The following PSD3 variants were observed in gnomAD, a reference collection of about 807,000 sequenced individuals.
The protein encoded by PSD3 is PH and SEC7 domain-containing protein 3.
In PSD3, 49 loss-of-function variants were observed where a neutral mutation model predicts 105.5. The observed-to-expected ratio is 0.46, with a 90% confidence interval of 0.37 to 0.59. The LOEUF (loss-of-function observed/expected upper bound fraction) is 0.59. Among genes scored for constraint, PSD3 ranks in the 20% least tolerant of loss-of-function variants. The pLI is 0.00. For synonymous variants in PSD3, 557 were observed against 457.8 expected (o/e 1.22, Z -2.77); for missense variants, 1,561 against 1,263.8 (o/e 1.24, Z -3.57).
chr8:18,811,731 G>A (rs1811702375), intron 4 of PSD3, among the ~76,000 whole-genome samples: 1 of 152,120 alleles, frequency 6.6e-6, no homozygotes, highest in South Asian at 2.1e-4. Context: ...ATGTGTGAGG[G>A]CAAGCAAGAA....
upstream of PSD3, among the ~76,000 whole-genome samples, chr8:19,017,209 G>C (rs1827206543): frequency 2.0e-5 from 3 of 151,608 alleles, no homozygotes; most frequent in Non-Finnish European, 4.4e-5. Context: ...CACACCACCA[G>C]ACCCAGCTAA....
chr8:18,691,494 T>C (rs746327094), intron 9 of PSD3, among the ~76,000 whole-genome samples: 5 of 152,194 alleles, frequency 3.3e-5, no homozygotes, highest in African/African-American at 2.4e-5. Flanking sequence ...TTACCCTATA[T>C]ACCTGAGGCA....
intron 9 of PSD3, among the ~76,000 whole-genome samples, chr8:18,735,401 A>G (rs1205156954): frequency 6.6e-6 from 1 of 152,192 alleles, no homozygotes; most frequent in African/African-American, 2.4e-5. Context: ...AGAGTAATAC[A>G]CTGAATGGCG....
intron 1 of PSD3, among the ~76,000 whole-genome samples, chr8:19,052,563 CTG>C (rs1476101295): frequency 6.6e-6 from 1 of 151,994 alleles, no homozygotes; most frequent in Non-Finnish European, 1.5e-5. Flanking sequence ...AGTCTGGAAA[CTG>C]TTTCTTGTAG....
At chr8:18,549,475 T>A (rs1800639251) in intron 15 of PSD3, among the ~76,000 whole-genome samples, 1 of 152,224 alleles carries the variant, frequency 6.6e-6, no homozygotes, top group Non-Finnish European at 1.5e-5. Flanking sequence ...CCCAAAGTGC[T>A]GGGATTACCA....
At chr8:18,825,015 C>T (rs1486156704) in intron 4 of PSD3, among the ~76,000 whole-genome samples, 1 of 152,170 alleles carries the variant, frequency 6.6e-6, no homozygotes. Flanking sequence ...AATGTTTTAA[C>T]TTTCCAGCAT....
At position 18,765,482 on chromosome 8, in the gene PSD3, A is replaced by C; in HGVS notation, c.2139T>G (p.Asn713Lys). 6.2e-7 allele frequency: 1 copy of C among 1,613,184 alleles called. No individual in the cohort carries two copies. Among genetic ancestry groups the C allele is most frequent in the Non-Finnish European group, 8.5e-7 (1 of 1,179,136 alleles). Residue 713 changes from asparagine (N) to lysine (K), a missense_variant, in exon 9 of 16, where the codon AAT becomes AAG. Coordinates refer to ENST00000327040, the MANE Select transcript of PSD3 (RefSeq NM_015310.4). ...QEFIANLQGVNEGVDFSKDLL... is the reference protein window; with the variant it reads ...QEFIANLQGVKEGVDFSKDLL... ...GATCCTTGGAGAAATCAACACCCTCATTTACCCCTTGCAGATTTGCAATGA... is the reference window on the plus strand; with the variant it reads ...GATCCTTGGAGAAATCAACACCCTCCTTTACCCCTTGCAGATTTGCAATGA...
At chr8:18,926,301 C>A (rs1266005429) in intron 2 of PSD3, among the ~76,000 whole-genome samples, 4 of 151,292 alleles carry the variant, frequency 2.6e-5, no homozygotes, top group Non-Finnish European at 2.9e-5. Context: ...CTTTCATGCA[C>A]AAAATTATTT....
rs748358362 is a variant in PSD3, at chr8:18,765,433, A to G, written c.2172+16T>C. The G allele has an allele frequency of 5.1e-6, 8 of 1,579,776 alleles. No individual in the cohort carries two copies. The Middle Eastern group carries it at 6.7e-4, about 132-fold the overall frequency. ...AAATACAAGCATACACTAAAAACCA[A>G]TAGTTCCATGCTTACTTTCAGCAGA... On this transcript the variant is annotated intron_variant, in intron 9 of 15. Coordinates refer to ENST00000327040, the MANE Select transcript of PSD3 (RefSeq NM_015310.4).
At chr8:18,582,405 T>C (rs1046569370) in intron 12 of PSD3, among the ~76,000 whole-genome samples, 1 of 152,170 alleles carries the variant, frequency 6.6e-6, no homozygotes, top group Non-Finnish European at 1.5e-5. Flanking sequence ...CTCTCTGGCT[T>C]AGTTTTCTTC....
At chr8:19,053,199 A>C (rs1025349674) in intron 1 of PSD3, among the ~76,000 whole-genome samples, 1 of 152,100 alleles carries the variant, frequency 6.6e-6, no homozygotes, top group Non-Finnish European at 1.5e-5. Context: ...AAGTGGGTCT[A>C]TGGCGCACAG....
chr8:19,074,072 G>C (rs1006919687), intron 1 of PSD3, among the ~76,000 whole-genome samples: 13 of 152,210 alleles, frequency 8.5e-5, no homozygotes, highest in African/African-American at 3.1e-4. Context: ...TTACAGGCCC[G>C]AGCCACCGCG....
At chr8:18,675,736 T>C (rs1800031951) in intron 9 of PSD3, among the ~76,000 whole-genome samples, 1 of 152,214 alleles carries the variant, frequency 6.6e-6, no homozygotes, top group Non-Finnish European at 1.5e-5. Flanking sequence ...GAATGATAGT[T>C]AAGGCAAAGC....
At chr8:19,074,120 T>A (rs1292834963) in intron 1 of PSD3, among the ~76,000 whole-genome samples, 2 of 152,136 alleles carry the variant, frequency 1.3e-5, no homozygotes, top group South Asian at 4.1e-4. Flanking sequence ...TGCCTCAAGA[T>A]TGCAGTCTTG....
chr8:18,617,447 C>G (rs1476241617), intron 11 of PSD3, among the ~76,000 whole-genome samples: 1 of 152,124 alleles, frequency 6.6e-6, no homozygotes, highest in African/African-American at 2.4e-5. Flanking sequence ...AGGTGAATCG[C>G]TTGAACTTGG....
chr8:18,907,884 T>C (rs772892748), intron 2 of PSD3, among the ~76,000 whole-genome samples: 22 of 152,242 alleles, frequency 1.4e-4, no homozygotes, highest in Non-Finnish European at 2.2e-4. Context: ...GTTGAATTTA[T>C]TAAATGTATT....
chr8:18,998,600 T>C (rs1423031050), intron 1 of PSD3, among the ~76,000 whole-genome samples: 4 of 152,082 alleles, frequency 2.6e-5, no homozygotes, highest in African/African-American at 9.6e-5. Flanking sequence ...GGCAGAAGAA[T>C]CGCTTGAACG....
At chr8:18,687,022 T>C (rs1476863680) in intron 9 of PSD3, among the ~76,000 whole-genome samples, 2 of 152,198 alleles carry the variant, frequency 1.3e-5, no homozygotes, top group Admixed American at 6.5e-5. Context: ...AGGGCACTCA[T>C]AGCTGTTTGA....
intron 9 of PSD3, among the ~76,000 whole-genome samples, chr8:18,749,148 T>C (rs1233387652): frequency 6.6e-6 from 1 of 152,194 alleles, no homozygotes; most frequent in Non-Finnish European, 1.5e-5. Context: ...AAAAATCTGA[T>C]GTTAGGAGCC....
Sources: allele counts gnomAD v4.1 joint callset (sites outside exome capture counted in the v4.1 genomes callset), GRCh38; gene constraint gnomAD v4.1.1; transcripts MANE v1.5; gene names NCBI Gene and HGNC (gene_info 2026-07-23, HGNC 2026-07-21).